Variants in ROPN1L observed in about 807,000 individuals in gnomAD.
ROPN1L encodes the protein ropporin-1-like protein.
A neutral mutation model predicts 22.7 loss-of-function variants in ROPN1L; 23 were observed. The observed-to-expected ratio is 1.01, with a 90% confidence interval of 0.73 to 1.43. The LOEUF (loss-of-function observed/expected upper bound fraction) is 1.43. ROPN1L is among the 40% of genes most tolerant of loss of function. The pLI, the probability that ROPN1L is intolerant of heterozygous loss-of-function variation, is 0.00. For missense variants in ROPN1L, 271 were observed against 291.5 expected, an observed-to-expected ratio of 0.93 and a Z score of 0.51; for synonymous variants, 116 against 117.8, an observed-to-expected ratio of 0.98 and a Z score of 0.10.
chr5:10,443,215 T>G (rs1171723088), intron 1 of ROPN1L, among the ~76,000 whole-genome samples: 1 of 151,492 alleles, frequency 6.6e-6, no homozygotes, highest in African/African-American at 2.4e-5. Flanking sequence ...AAAACTAATT[T>G]AAAAAGAAAA....
the ROPN1L span, among the ~76,000 whole-genome samples, chr5:10,480,091 T>G: frequency 1.3e-5 from 2 of 152,298 alleles, no homozygotes; most frequent in Admixed American, 1.3e-4. Flanking sequence ...ATAACCCATG[T>G]CTGAGCATGG....
chr5:10,449,141 C>T (rs1053758934), intron 2 of ROPN1L, among the ~76,000 whole-genome samples: 1 of 152,248 alleles, frequency 6.6e-6, no homozygotes, highest in Admixed American at 6.5e-5. Context: ...TGCGAAAAGA[C>T]ATGCTGAAAT....
intron 1 of ROPN1L, among the ~76,000 whole-genome samples, chr5:10,444,690 G>C (rs1035684747): frequency 1.1e-4 from 16 of 150,296 alleles, no homozygotes; most frequent in Non-Finnish European, 1.9e-4. Flanking sequence ...CCTGAGGTCA[G>C]GAGTTCGAGA....
Position 10,442,319 on chromosome 5 carries a change from G to A in ROPN1L, c.131+21G>A, listed in dbSNP as rs754278221. ...GCGGGGTAAGCGCCCTTGGCCCGGG[G>A]AGCTGTCCGGTCTACATGCCCAAGC... On this transcript the variant is annotated intron_variant, in intron 1 of 4. Transcript: ENST00000274134. 36 of 1,611,214 alleles carry A rather than the reference G, an allele frequency of 2.2e-5. No homozygotes were observed. In the African/African-American group the frequency reaches 3.1e-4, roughly 14 times the overall value.
downstream of ROPN1L, among the ~76,000 whole-genome samples, chr5:10,466,497 T>C (rs955449278): frequency 6.6e-6 from 1 of 152,204 alleles, no homozygotes; most frequent in Non-Finnish European, 1.5e-5. Flanking sequence ...AGCCCGAGCA[T>C]AGGTGAATAT....
chr5:10,453,147 C>G (rs1741306230), intron 3 of ROPN1L, among the ~76,000 whole-genome samples: 1 of 152,250 alleles, frequency 6.6e-6, no homozygotes, highest in African/African-American at 2.4e-5. Context: ...CAGCCACCCT[C>G]TGCTCTGGTC....
In ROPN1L at chr5:10,462,603, T is replaced by A. The variant is rs188849215; in HGVS notation, c.593+1244T>A. Among the ~76,000 whole-genome samples, 528 of 152,258 alleles carry A rather than the reference T, an allele frequency of 3.5e-3. 3 individuals are homozygous for A. The highest frequency in any genetic ancestry group is 0.012 in the African/African-American group (499 of 41,550). ...TACTAAATTGTAGCATGTTAAAAAG[T>A]GAGATAGAGGCTGGGCACGGTGCCT... On this transcript the variant is annotated intron_variant, in intron 4 of 4. Coordinates refer to ENST00000274134, the MANE Select transcript of ROPN1L (RefSeq NM_031916.5).
chr5:10,455,087 G>A (rs1282864239), intron 3 of ROPN1L, among the ~76,000 whole-genome samples: 1 of 152,126 alleles, frequency 6.6e-6, no homozygotes, highest in Non-Finnish European at 1.5e-5. Flanking sequence ...ATTCAACCTC[G>A]GCCTCCTCCT....
intron 4 of ROPN1L, among the ~76,000 whole-genome samples, chr5:10,463,801 T>G (rs1735096728): frequency 6.6e-6 from 1 of 152,112 alleles, no homozygotes; most frequent in African/African-American, 2.4e-5. Flanking sequence ...TAGGTCATGT[T>G]CAGTGCCAAG....
chr5:10,449,805 G>A lies in ROPN1L; in HGVS notation c.256-147G>A, dbSNP rs1741194553. ...TGCCTTCCCTGCCTTCCCTCCCCAG[G>A]GCTGACAGAACCCCCTGTCATGCAT... On this transcript the variant is annotated intron_variant, in intron 2 of 4. Transcript: ENST00000274134. 1.1e-5 allele frequency: 7 copies of A among 625,926 alleles called. No individual in the cohort carries two copies. In the African/African-American group the frequency reaches 1.1e-4, roughly 10 times the overall value. The allele number at this position is 625,926 out of a possible 1,614,324, so 38.8% of individuals were successfully genotyped here.
intron 3 of ROPN1L, among the ~76,000 whole-genome samples, chr5:10,451,411 T>G (rs1741247800): frequency 6.6e-6 from 1 of 152,260 alleles, no homozygotes; most frequent in Admixed American, 6.5e-5. Flanking sequence ...TCTCGCTTCC[T>G]GACCTCTGAA....
At chr5:10,457,265 C>T (rs1440125077) in intron 3 of ROPN1L, among the ~76,000 whole-genome samples, 2 of 152,200 alleles carry the variant, frequency 1.3e-5, no homozygotes, top group East Asian at 3.9e-4. Flanking sequence ...ACCAGCACTG[C>T]TGGCATGGGA....
chr5:10,463,601 G>A (rs1408184517), intron 4 of ROPN1L, among the ~76,000 whole-genome samples: 2 of 152,194 alleles, frequency 1.3e-5, no homozygotes, highest in African/African-American at 2.4e-5. Flanking sequence ...CCCAAGTGCT[G>A]GTTATGGTTT....
intron 3 of ROPN1L, 102 bp from the exon 4 acceptor site, chr5:10,461,082 C>G: frequency 2.9e-6 from 3 of 1,045,690 alleles, no homozygotes; most frequent in Non-Finnish European, 4.1e-6. Context: ...TGGAGAATTT[C>G]TGTCAAATAT....
At chr5:10,481,694 T>G in the ROPN1L span, among the ~76,000 whole-genome samples, 3 of 152,128 alleles carry the variant, frequency 2.0e-5, no homozygotes, top group African/African-American at 7.2e-5. Flanking sequence ...GGGGGTGACG[T>G]GGGGGGCCCA....
chr5:10,449,834 G>C (rs994740968), intron 2 of ROPN1L, 118 bp from the exon 3 acceptor site: 6 of 753,060 alleles, frequency 8.0e-6, no homozygotes, highest in Non-Finnish European at 1.2e-5. Flanking sequence ...CATGCATTTG[G>C]AGTTCATCTG....
At position 10,461,372 on chromosome 5, in the gene ROPN1L, C is replaced by T; in HGVS notation, c.593+13C>T. ...TAAAGGAAAATATGTAAGTATGCACCCTCTCTAGGATTCAGGTATGTTGAC... is the reference window on the plus strand; with the variant it reads ...TAAAGGAAAATATGTAAGTATGCACTCTCTCTAGGATTCAGGTATGTTGAC... On this transcript the variant is annotated intron_variant, in intron 4 of 4. Coordinates refer to ENST00000274134, the MANE Select transcript of ROPN1L (RefSeq NM_031916.5). 1.9e-6 allele frequency: 3 copies of T among 1,608,140 alleles called. No homozygotes were observed. The highest frequency in any genetic ancestry group is 2.6e-6 in the Non-Finnish European group (3 of 1,175,162).
chr5:10,481,607 C>T, the ROPN1L span, among the ~76,000 whole-genome samples: 1 of 152,190 alleles, frequency 6.6e-6, no homozygotes, highest in African/African-American at 2.4e-5. Context: ...ATCAAAGCAT[C>T]AGAATGCAGA....
the ROPN1L span, chr5:10,482,072 A>G: frequency 1.3e-5 from 2 of 152,064 alleles, no homozygotes; most frequent in Admixed American, 6.6e-5. Flanking sequence ...CTCTACTAAA[A>G]ATACAAAAAT....
Sources: allele counts gnomAD v4.1 joint callset (sites outside exome capture counted in the v4.1 genomes callset), GRCh38; gene constraint gnomAD v4.1.1; transcripts MANE v1.5; gene names NCBI Gene and HGNC (gene_info 2026-07-23, HGNC 2026-07-21).